The following UBOX5 variants were observed in gnomAD, a reference collection of about 807,000 sequenced individuals.
UBOX5 encodes the protein U-box domain containing 5.
Under a neutral mutation model 39.0 loss-of-function variants are expected in UBOX5, and 28 were observed. That is an observed-to-expected ratio of 0.72 (90% CI 0.53 to 0.98). UBOX5 has a LOEUF of 0.98. Ranked by LOEUF, UBOX5 falls within the 50% of genes least tolerant of loss-of-function variation. The pLI is 0.00. For synonymous variants in UBOX5, 283 were observed against 275.5 expected (o/e 1.03, Z -0.27); for missense variants, 585 against 674.4 (o/e 0.87, Z 1.47).
At chr20:3,151,772 C>T (rs374310140) in intron 1 of UBOX5, 2 of 151,724 alleles carry the variant, frequency 1.3e-5, no homozygotes, top group African/African-American at 4.8e-5. Context: ...ATTAGGAAAT[C>T]CAATTAATAC....
intron 1 of UBOX5, among the ~76,000 whole-genome samples, chr20:3,153,672 G>A (rs1194879929): frequency 6.6e-6 from 1 of 152,186 alleles, no homozygotes; most frequent in Non-Finnish European, 1.5e-5. Context: ...GGGAGCTGGA[G>A]GGTTAGAACT....
rs1226440675 is a variant in UBOX5 at position 3,123,864 on chromosome 20, G to A, written c.-41-458C>T. 2.0e-5 allele frequency among the ~76,000 whole-genome samples: 3 copies of A among 152,184 alleles called. No individual in the cohort carries two copies. The South Asian group carries it at 6.2e-4, about 32-fold the overall frequency. On this transcript the variant is annotated intron_variant, in intron 1 of 4. Coordinates refer to ENST00000217173, the MANE Select transcript of UBOX5 (RefSeq NM_014948.4). The stretch of plus-strand genomic sequence containing the variant: ...GTTTTCTTATTAAAATGAAAACAAT[G>A]AGTCAAAAACATCATTATTGAGACA...
chr20:3,126,758 T>C (rs370667016), intron 1 of UBOX5, among the ~76,000 whole-genome samples: 4 of 151,666 alleles, frequency 2.6e-5, no homozygotes, highest in Admixed American at 6.6e-5. Context: ...CATCTAGGCC[T>C]GGCACGGTGG....
At chr20:3,131,735 G>A (rs6139014) in intron 1 of UBOX5, among the ~76,000 whole-genome samples, 1 of 152,106 alleles carries the variant, frequency 6.6e-6, no homozygotes, top group Admixed American at 6.5e-5. Context: ...CAGGCTGGGC[G>A]TGGTGGCTCA....
chr20:3,145,918 C>T (rs1044420593), intron 1 of UBOX5, among the ~76,000 whole-genome samples: 5 of 151,866 alleles, frequency 3.3e-5, no homozygotes, highest in Non-Finnish European at 5.9e-5. Context: ...TGGTGGTGGG[C>T]GCCTGTAACC....
rs1045934120 is a variant in UBOX5 at position 3,159,854 on chromosome 20, G to C, written c.-130C>G. On this transcript the variant is annotated 5_prime_UTR_variant, in exon 1 of 5. Coordinates refer to ENST00000217173, the MANE Select transcript of UBOX5 (RefSeq NM_014948.4). ...AGATACTGGCTCCTCCGGCGACTCCGAGCCTCACAGCCCCACTTCCGGCCA... is the reference window on the plus strand; with the variant it reads ...AGATACTGGCTCCTCCGGCGACTCCCAGCCTCACAGCCCCACTTCCGGCCA... The C allele has an allele frequency of 1.3e-5, 2 of 152,440 alleles. No homozygotes were observed. The highest frequency in any genetic ancestry group is 3.4e-3 in the Middle Eastern group (1 of 294). 9.4% of individuals were successfully genotyped at this position (152,440 alleles called of 1,614,324 possible). A position where few individuals can be genotyped will look rare whatever the true frequency, so the allele number is the denominator to read the frequency against.
chr20:3,113,275 G>A (rs994295291), intron 4 of UBOX5, among the ~76,000 whole-genome samples: 1 of 130,330 alleles, frequency 7.7e-6, no homozygotes. Flanking sequence ...GCAACAGAGC[G>A]AAACAGAGCA....
chr20:3,131,735 G>T (rs6139014), intron 1 of UBOX5, among the ~76,000 whole-genome samples: 16,283 of 152,206 alleles, frequency 0.11, 1,693 homozygotes, highest in East Asian at 0.4. Flanking sequence ...CAGGCTGGGC[G>T]TGGTGGCTCA....
In UBOX5 at chr20:3,109,745, T is replaced by C; in HGVS notation, c.*361A>G. The C allele has an allele frequency of 3.2e-6, 1 of 308,352 alleles. No individual in the cohort carries two copies. The highest frequency in any genetic ancestry group is 6.3e-6 in the Non-Finnish European group (1 of 158,552). The allele number at this position is 308,352 out of a possible 1,614,324, so 19.1% of individuals were successfully genotyped here. A position where few individuals can be genotyped will look rare whatever the true frequency, so the allele number is the denominator to read the frequency against. On this transcript the variant is annotated 3_prime_UTR_variant, in exon 5 of 5. Transcript: ENST00000217173. ...GAGACTCCTGAGATCTGGGCCACAA[T>C]CTAGGGTGAGCCACCCACAGTGCCC...
chr20:3,133,861 T>G (rs906528147), intron 1 of UBOX5, among the ~76,000 whole-genome samples: 3 of 151,886 alleles, frequency 2.0e-5, no homozygotes, highest in African/African-American at 7.3e-5. Flanking sequence ...ATGGGTATTC[T>G]CCTACCTCTG....
intron 1 of UBOX5, among the ~76,000 whole-genome samples, chr20:3,146,353 A>C (rs1370976818): frequency 7.5e-6 from 1 of 133,726 alleles, no homozygotes; most frequent in Non-Finnish European, 1.6e-5. Flanking sequence ...AAAACAAACA[A>C]AAAAACTGGC....
rs1412735969 is a variant in UBOX5 at position 3,109,322 on chromosome 20, C to A, written c.*784G>T. ...CTGCATGAGGAAACGCTGCGCTCCC[C>A]CTCAGGGAGCAGTTTCTGAAGCCAG... is the stretch of plus-strand genomic sequence containing the variant. On this transcript the variant is annotated 3_prime_UTR_variant, in exon 5 of 5. Transcript: ENST00000217173. The A allele has an allele frequency of 1.3e-5, 2 of 152,316 alleles. No individual in the cohort carries two copies. The highest frequency in any genetic ancestry group is 3.9e-4 in the East Asian group (2 of 5,188). 9.4% of individuals were successfully genotyped at this position (152,316 alleles called of 1,614,324 possible).
chr20:3,146,589 T>C, intron 1 of UBOX5: 1 of 627,584 alleles, frequency 1.6e-6, no homozygotes. Flanking sequence ...TTGCAGTAAT[T>C]TGTACAATCC....
chr20:3,130,858 T>A (rs1174301732), intron 1 of UBOX5, among the ~76,000 whole-genome samples: 1 of 152,066 alleles, frequency 6.6e-6, no homozygotes, highest in East Asian at 1.9e-4. Flanking sequence ...TTTCTGTCTC[T>A]CATTTACTGC....
chr20:3,121,201 T>C (rs1389966462), intron 3 of UBOX5, among the ~76,000 whole-genome samples, 183 bp downstream of exon 3: 1 of 152,182 alleles, frequency 6.6e-6, no homozygotes, highest in East Asian at 1.9e-4. Context: ...CCTCCAAGGC[T>C]CCAGGTTGTC....
At chr20:3,136,661 T>C (rs2066475184) in intron 1 of UBOX5, among the ~76,000 whole-genome samples, 1 of 150,832 alleles carries the variant, frequency 6.6e-6, no homozygotes, top group African/African-American at 2.4e-5. Flanking sequence ...GGCCTTAATA[T>C]TACTATTATT....
chr20:3,132,559 C>T (rs2066437776), intron 1 of UBOX5, among the ~76,000 whole-genome samples: 1 of 151,876 alleles, frequency 6.6e-6, no homozygotes, highest in African/African-American at 2.4e-5. Flanking sequence ...TTGGTCATGC[C>T]TGTAATCCCA....
intron 1 of UBOX5, among the ~76,000 whole-genome samples, chr20:3,140,014 CTTTTTTTTTT>C (rs138435815): frequency 1.9e-4 from 15 of 78,352 alleles, no homozygotes; most frequent in Middle Eastern, 0.024. Flanking sequence ...GGCCTTTTTA[CTTTTTTTTTT>C]TTTTTTTTTT....
chr20:3,144,526 G>C (rs183193379), intron 1 of UBOX5, among the ~76,000 whole-genome samples: 2 of 152,170 alleles, frequency 1.3e-5, no homozygotes, highest in African/African-American at 4.8e-5. Flanking sequence ...CAAACTATGA[G>C]AAAAGACATA....
Sources: gnomAD v4.1 joint callset for allele counts (sites outside exome capture counted in the v4.1 genomes callset) on GRCh38, gnomAD v4.1.1 for gene constraint, MANE v1.5 for transcripts, NCBI Gene and HGNC (gene_info 2026-07-23, HGNC 2026-07-21) for gene names.